Variants in SDC3 observed in about 807,000 individuals in gnomAD.
SDC3 encodes syndecan-3.
Under a neutral mutation model 24.4 loss-of-function variants are expected in SDC3, and 13 were observed. That is an observed-to-expected ratio of 0.53 (90% CI 0.35 to 0.85). SDC3 has a LOEUF of 0.85. SDC3 is among the 40% of genes least tolerant of loss of function. The pLI is 0.01. For synonymous variants in SDC3, 295 were observed against 260.9 expected (o/e 1.13, Z -1.26); for missense variants, 571 against 584.5 (o/e 0.98, Z 0.24).
intron 1 of SDC3, among the ~76,000 whole-genome samples, chr1:30,883,872 G>T (rs952749440): frequency 3.9e-5 from 6 of 152,132 alleles, no homozygotes; most frequent in African/African-American, 1.4e-4. Flanking sequence ...GGGAGGGAGG[G>T]TGTCTCAGCA....
chr1:30,874,551 T>C lies in SDC3; in HGVS notation c.908A>G (p.Asp303Gly). 3.7e-6 allele frequency: 6 copies of C among 1,614,106 alleles called. No individual in the cohort carries two copies. Among genetic ancestry groups the C allele is most frequent in the Non-Finnish European group, 5.1e-6 (6 of 1,180,012 alleles). ...TPETFLTTIRDEPEVPVSGGP... is the reference protein window; with the variant it reads ...TPETFLTTIRGEPEVPVSGGP... Reference sequence around the variant, plus strand: ...CCCACTCACCGGAACCTCTGGCTCATCCCGGATTGTGGTCAGGAAGGTCTC... The same window carrying C: ...CCCACTCACCGGAACCTCTGGCTCACCCCGGATTGTGGTCAGGAAGGTCTC... The change falls in exon 4 of 5, where the codon GAT becomes GGT. Residue 303 changes from aspartate to glycine, a missense_variant. Around this residue, in one of 2 missense-constraint regions of SDC3, gnomAD observed 497 missense variants for 471.6 expected, o/e 1.05. Transcript: ENST00000339394.
rs577696335 is a variant in SDC3 at position 30,882,753 on chromosome 1, C to T, written c.139-4013G>A. ...GCCCACTCCAGAATTTGGGGTCTCT[C>T]GTGCCCAGCCCCACACCACCATGAG... On this transcript the variant is annotated intron_variant, in intron 1 of 4. Transcript: ENST00000339394. Among the ~76,000 whole-genome samples the T allele has an allele frequency of 9.2e-5, 14 of 152,160 alleles. 1 individual carries two copies. The highest frequency in any genetic ancestry group is 2.9e-4 in the African/African-American group (12 of 41,492).
chr1:30,904,154 G>A (rs1260739875), intron 1 of SDC3, among the ~76,000 whole-genome samples: 1 of 152,168 alleles, frequency 6.6e-6, no homozygotes, highest in East Asian at 1.9e-4. Context: ...GTACTCAGGA[G>A]GCAGAGGTTG....
chr1:30,887,377 C>T (rs541954244), intron 1 of SDC3, among the ~76,000 whole-genome samples: 4 of 152,304 alleles, frequency 2.6e-5, no homozygotes, highest in African/African-American at 7.2e-5. Flanking sequence ...CACATCCCTT[C>T]GCCTCACTGG....
chr1:30,900,790 C>A (rs944981016), intron 1 of SDC3, among the ~76,000 whole-genome samples: 1 of 152,052 alleles, frequency 6.6e-6, no homozygotes, highest in South Asian at 2.1e-4. Context: ...TCATTAAAGT[C>A]TGGGCTGGCA....
At chr1:30,878,415 C>G (rs1305457353) in intron 2 of SDC3, 1 of 524,838 alleles carries the variant, frequency 1.9e-6, no homozygotes, top group Non-Finnish European at 3.4e-6. Context: ...ACATTCTGGG[C>G]CCTGAGGTCC....
Position 30,873,361 on chromosome 1 carries a change from C to T in SDC3, c.1179G>A (p.Gly393=). ...AGGCAGCAAAGAGGGCGCCCACCAC[C>T]CCGCCCACAATCACAGCTGTGGAAG... is the stretch of plus-strand genomic sequence containing the variant. The part of the protein sequence containing the change: ...KEVLVAVIVG[G]VVGALFAAFL... The change falls in exon 5 of 5, where the codon GGG becomes GGA. Residue 393 remains glycine (G), a synonymous_variant. Coordinates refer to ENST00000339394, the MANE Select transcript of SDC3 (RefSeq NM_014654.4). 1 of 1,613,778 alleles carries T rather than the reference C, an allele frequency of 6.2e-7. No homozygotes were observed. Among genetic ancestry groups the T allele is most frequent in the Non-Finnish European group, 8.5e-7 (1 of 1,179,740 alleles).
At chr1:30,875,904 G>A (rs1330199525) in intron 3 of SDC3, among the ~76,000 whole-genome samples, 1 of 152,134 alleles carries the variant, frequency 6.6e-6, no homozygotes, top group African/African-American at 2.4e-5. Context: ...TGAGGGCTGG[G>A]GCTAACACAG....
At chr1:30,904,685 C>A (rs959684131) in intron 1 of SDC3, among the ~76,000 whole-genome samples, 1 of 152,164 alleles carries the variant, frequency 6.6e-6, no homozygotes, top group East Asian at 1.9e-4. Context: ...GTATTTGTTG[C>A]CCCCAGTTGA....
At chr1:30,909,069 G>C (rs371063015), upstream of SDC3, among the ~76,000 whole-genome samples, 2 of 152,140 alleles carry the variant, frequency 1.3e-5, no homozygotes, top group Non-Finnish European at 2.9e-5. Flanking sequence ...TGGGATACCA[G>C]GGCCCGGGCC....
Position 30,871,205 on chromosome 1 carries a change from A to G in SDC3, c.*2006T>C, listed in dbSNP as rs1639528580. 6.6e-6 allele frequency: 1 copy of G among 152,104 alleles called. No homozygotes were observed. Among genetic ancestry groups the G allele is most frequent in the African/African-American group, 2.4e-5 (1 of 41,384 alleles). 9.4% of individuals were successfully genotyped at this position (152,104 alleles called of 1,614,324 possible). ...GGAACCTCCCCCTCACTGCCTACAC[A>G]CCGCTACCCCTCATCCTGCAGAAAT... On this transcript the variant is annotated 3_prime_UTR_variant, in exon 5 of 5. Transcript: ENST00000339394.
intron 1 of SDC3, among the ~76,000 whole-genome samples, chr1:30,886,028 C>T (rs1038120099): frequency 3.3e-5 from 5 of 152,260 alleles, no homozygotes; most frequent in African/African-American, 1.2e-4. Flanking sequence ...TGATGCCTGT[C>T]CCCAAGCTCG....
intron 1 of SDC3, among the ~76,000 whole-genome samples, chr1:30,889,948 A>G (rs1185274051): frequency 1.3e-5 from 2 of 152,230 alleles, no homozygotes; most frequent in Non-Finnish European, 2.9e-5. Context: ...AATATCCATC[A>G]GCTGATGAAT....
At chr1:30,898,263 C>A (rs184586794) in intron 1 of SDC3, among the ~76,000 whole-genome samples, 1 of 152,314 alleles carries the variant, frequency 6.6e-6, no homozygotes, top group Admixed American at 6.5e-5. Flanking sequence ...ACTTCTCAGA[C>A]TTTGTCCATC....
rs1639529515 is a variant in SDC3 at position 30,871,253 on chromosome 1, AG to A, written c.*1957del. Reference sequence around the variant, plus strand: ...AATCTGCTGCCAGGGCATCTTGAAAAGGGCCCTGAAATAAAACCTGCCTTCC... The same window carrying A: ...AATCTGCTGCCAGGGCATCTTGAAAAGGCCCTGAAATAAAACCTGCCTTCC... On this transcript the variant is annotated 3_prime_UTR_variant, in exon 5 of 5. Transcript: ENST00000339394. 6.6e-6 allele frequency: 1 copy of A among 152,246 alleles called. No homozygotes were observed. The highest frequency in any genetic ancestry group is 2.4e-5 in the African/African-American group (1 of 41,432). 9.4% of individuals were successfully genotyped at this position (152,246 alleles called of 1,614,324 possible).
In SDC3 at chr1:30,871,312, G is replaced by A. The variant is rs949201557; in HGVS notation, c.*1899C>T. The A allele has an allele frequency of 6.6e-6, 1 of 152,220 alleles. No individual in the cohort carries two copies. Among genetic ancestry groups the A allele is most frequent in the African/African-American group, 2.4e-5 (1 of 41,446 alleles). 9.4% of individuals were successfully genotyped at this position (152,220 alleles called of 1,614,324 possible). A position where few individuals can be genotyped will look rare whatever the true frequency, so the allele number is the denominator to read the frequency against. On this transcript the variant is annotated 3_prime_UTR_variant, in exon 5 of 5. Coordinates refer to ENST00000339394, the MANE Select transcript of SDC3 (RefSeq NM_014654.4). The stretch of plus-strand genomic sequence containing the variant: ...AATCTGGGATGTGGGTGAGGGGTGG[G>A]GGTGTGAGTGCCAGCCAATCGCAAC...
chr1:30,897,958 AG>A (rs1368413789), intron 1 of SDC3, among the ~76,000 whole-genome samples: 1 of 152,160 alleles, frequency 6.6e-6, no homozygotes, highest in Non-Finnish European at 1.5e-5. Flanking sequence ...TCACGACAAA[AG>A]GGCAGCACCC....
intron 1 of SDC3, among the ~76,000 whole-genome samples, chr1:30,898,602 GAAAGA>G (rs1187757190): frequency 6.6e-6 from 1 of 152,156 alleles, no homozygotes; most frequent in African/African-American, 2.4e-5. Context: ...GATGGGCAAG[GAAAGA>G]GATGCCTCCT....
At position 30,872,720 on chromosome 1, in the gene SDC3, G is replaced by A. The variant is rs985381987; in HGVS notation, c.*491C>T. On this transcript the variant is annotated 3_prime_UTR_variant, in exon 5 of 5. Coordinates refer to ENST00000339394, the MANE Select transcript of SDC3 (RefSeq NM_014654.4). ...AGGGACACCCTCTCACCCAGCTAGAGAGAGGCCCTGGGATACGAGCAAGAG... is the reference window on the plus strand; with the variant it reads ...AGGGACACCCTCTCACCCAGCTAGAAAGAGGCCCTGGGATACGAGCAAGAG... The A allele has an allele frequency of 2.5e-5, 4 of 161,036 alleles. No homozygotes were observed. Among genetic ancestry groups the A allele is most frequent in the African/African-American group, 9.6e-5 (4 of 41,684 alleles). 10.0% of individuals were successfully genotyped at this position (161,036 alleles called of 1,614,324 possible). A position where few individuals can be genotyped will look rare whatever the true frequency, so the allele number is the denominator to read the frequency against.
Sources: allele counts gnomAD v4.1 joint callset (sites outside exome capture counted in the v4.1 genomes callset), GRCh38; gene constraint gnomAD v4.1.1; regional missense constraint gnomAD v4.1.1; transcripts MANE v1.5; gene names NCBI Gene and HGNC (gene_info 2026-07-23, HGNC 2026-07-21).